OTOP2: variants seen among roughly 807,000 people sequenced by gnomAD.
OTOP2 encodes otopetrin 2, also known as proton channel OTOP2.
In OTOP2, 41 loss-of-function variants were observed where a neutral mutation model predicts 47.4. The observed-to-expected ratio is 0.87, with a 90% confidence interval of 0.67 to 1.12. OTOP2 has a LOEUF of 1.12. Among genes scored for constraint, OTOP2 ranks in the 50% most tolerant of loss-of-function variants. The pLI is 0.00. For synonymous variants in OTOP2, 328 were observed against 319.6 expected (o/e 1.03, Z -0.28); for missense variants, 721 against 752.2 (o/e 0.96, Z 0.49).
intron 5 of OTOP2, among the ~76,000 whole-genome samples, chr17:74,929,343 G>C (rs1202639541): frequency 6.6e-5 from 10 of 152,186 alleles, no homozygotes; most frequent in Non-Finnish European, 2.9e-5. Flanking sequence ...ATCTCAGGGA[G>C]CCAGGGCAGA....
chr17:74,933,333 T>A lies in OTOP2; in HGVS notation c.1519-42T>A. 1 of 1,561,836 alleles carries A rather than the reference T, an allele frequency of 6.4e-7. No individual in the cohort carries two copies. The highest frequency in any genetic ancestry group is 2.3e-5 in the East Asian group (1 of 44,016). On this transcript the variant is annotated intron_variant, in intron 6 of 6. Transcript: ENST00000331427. The surrounding 1 kb of genome is among the most constrained non-coding windows in gnomAD (Gnocchi z 4.7). ...AACCCACAGAAATGACCCACAGGCA[T>A]CCATCCAGGCCAGCTCCTGAAATGC...
In OTOP2 at chr17:74,930,266, C is replaced by T. The variant is rs1189114646; in HGVS notation, c.644-13C>T. 6 of 1,600,956 alleles carry T rather than the reference C, an allele frequency of 3.7e-6. No individual in the cohort carries two copies. Among genetic ancestry groups the T allele is most frequent in the Non-Finnish European group, 4.3e-6 (5 of 1,169,862 alleles). On this transcript the variant is annotated splice_polypyrimidine_tract_variant and intron_variant, in intron 5 of 6. Coordinates refer to ENST00000331427, the MANE Select transcript of OTOP2 (RefSeq NM_178160.3). This position sits in a 1 kb window ranked among gnomAD's most constrained non-coding sequence, Gnocchi z 4.0. ...AGGAGGGCTGTCCAGCCCTGTGTCT[C>T]TCTCCACAACAGAGCATGCAGACAA...
rs201506350 is a variant in OTOP2 at position 74,931,073 on chromosome 17, A to G, written c.1438A>G (p.Ile480Val). Reference protein sequence around the residue: ...SPSDQREAVAIVSTPRSQWRR... With the variant: ...SPSDQREAVAVVSTPRSQWRR... ...TTCAGACCAGCGGGAAGCAGTGGCC[A>G]TCGTCTCAACCCCCAGAAGCCAGTG... is the stretch of plus-strand genomic sequence containing the variant. Residue 480 changes from isoleucine to valine, a missense_variant, in exon 6 of 7, where the codon ATC (isoleucine) becomes GTC (valine). Coordinates refer to ENST00000331427, the MANE Select transcript of OTOP2 (RefSeq NM_178160.3). The G allele has an allele frequency of 2.8e-5, 45 of 1,614,116 alleles. No individual in the cohort carries two copies. The East Asian group carries it at 8.9e-4, about 32-fold the overall frequency.
At chr17:74,932,399 T>A (rs1471728566) in intron 6 of OTOP2, among the ~76,000 whole-genome samples, 1 of 152,152 alleles carries the variant, frequency 6.6e-6, no homozygotes, top group Non-Finnish European at 1.5e-5. Flanking sequence ...TGAAGGGCCA[T>A]CCACCAGGTC....
At position 74,933,748 on chromosome 17, in the gene OTOP2, C is replaced by T. The variant is rs1042305145; in HGVS notation, c.*203C>T. 1.1e-5 allele frequency: 6 copies of T among 551,020 alleles called. No individual in the cohort carries two copies. Among genetic ancestry groups the T allele is most frequent in the Admixed American group, 3.2e-5 (1 of 31,128 alleles). The allele number at this position is 551,020 out of a possible 1,614,324, so 34.1% of individuals were successfully genotyped here. ...ACAGGCCCATCCACCCCAGTATGAC[C>T]GTGGGGCATGAGGTGACTGGGGAAG... On this transcript the variant is annotated 3_prime_UTR_variant, in exon 7 of 7. Coordinates refer to ENST00000331427, the MANE Select transcript of OTOP2 (RefSeq NM_178160.3). This position sits in a 1 kb window ranked among gnomAD's most constrained non-coding sequence, Gnocchi z 4.7.
Position 74,924,640 on chromosome 17 carries a change from A to C in OTOP2, c.8A>C (p.Glu3Ala), listed in dbSNP as rs998834716. Residue 3 changes from glutamate to alanine, a missense_variant, in exon 2 of 7, where the codon GAG becomes GCG. Glu to Ala is a moderately radical substitution (Grantham distance 107). Transcript: ENST00000331427. This position sits in a 1 kb window ranked among gnomAD's most constrained non-coding sequence, Gnocchi z 7.7. ...TCTCCAGTCGCCTCCGCCATGTCCG[A>C]GGAGCTGGCCCAGGGCCCCAAGGAG... Reference protein sequence around the residue: MSEELAQGPKESP... With the variant: MSAELAQGPKESP... 17 of 1,574,670 alleles carry C rather than the reference A, an allele frequency of 1.1e-5. No individual in the cohort carries two copies. In the African/African-American group the frequency reaches 2.2e-4, roughly 20 times the overall value.
At chr17:74,925,273 G>A (rs921623134) in intron 2 of OTOP2, among the ~76,000 whole-genome samples, 4 of 152,050 alleles carry the variant, frequency 2.6e-5, no homozygotes, top group African/African-American at 4.8e-5. Flanking sequence ...GCCCTTTGCG[G>A]TATCCACACA....
rs757812966 is a variant in OTOP2 at position 74,927,279 on chromosome 17, C to T, written c.507C>T (p.Thr169=). The change falls in exon 4 of 7, where the codon ACC becomes ACT. Residue 169 remains threonine (T), a splice_region_variant and synonymous_variant. Coordinates refer to ENST00000331427, the MANE Select transcript of OTOP2 (RefSeq NM_178160.3). ...KDCVHVHLDL[T]WCGLMFTLTT... is the part of the protein sequence containing the mutation. ...GCGTTCACGTCCACCTGGATCTGAC[C>T]TGGTGAGAACTGCAGCTCGATGCCT... The T allele has an allele frequency of 1.2e-6, 2 of 1,612,318 alleles. No homozygotes were observed. The highest frequency in any genetic ancestry group is 2.2e-5 in the South Asian group (2 of 91,024).
In OTOP2 at chr17:74,930,323, A is replaced by T. The variant is rs763661551; in HGVS notation, c.688A>T (p.Thr230Ser). The T allele has an allele frequency of 1.2e-6, 2 of 1,614,072 alleles. No individual in the cohort carries two copies. The highest frequency in any genetic ancestry group is 2.2e-5 in the South Asian group (2 of 91,078). The change falls in exon 6 of 7, where the codon ACG becomes TCG. Residue 230 changes from threonine to serine, a missense_variant. By Grantham distance (58) the Thr-to-Ser change is moderately conservative (BLOSUM62 1). Coordinates refer to ENST00000331427, the MANE Select transcript of OTOP2 (RefSeq NM_178160.3). The surrounding 1 kb of genome is among the most constrained non-coding windows in gnomAD (Gnocchi z 4.0). ...PVGGDSCLCS[T>S]AVCQIFQQGY... ...CGGAGGAGACTCCTGCCTCTGCAGCACGGCCGTCTGCCAGATCTTCCAGCA... is the reference window on the plus strand; with the variant it reads ...CGGAGGAGACTCCTGCCTCTGCAGCTCGGCCGTCTGCCAGATCTTCCAGCA...
rs563061532 is a variant in OTOP2, at chr17:74,924,531, C to T, written c.-33-69C>T. On this transcript the variant is annotated intron_variant, in intron 1 of 6. Transcript: ENST00000331427. This position sits in a 1 kb window ranked among gnomAD's most constrained non-coding sequence, Gnocchi z 7.7. ...GTCAGGAACTCCCTAGTCCCCAAGT[C>T]TAGGGATGAGATGGGGGAAGGAGAG... 3.0e-6 allele frequency: 4 copies of T among 1,354,820 alleles called. No homozygotes were observed. The highest frequency in any genetic ancestry group is 2.9e-5 in the African/African-American group (2 of 68,172). 83.9% of individuals were successfully genotyped at this position (1,354,820 alleles called of 1,614,324 possible). A position where few individuals can be genotyped will look rare whatever the true frequency, so the allele number is the denominator to read the frequency against.
chr17:74,931,058 C>T lies in OTOP2; in HGVS notation c.1423C>T (p.Arg475Trp), dbSNP rs1436886189. 9.3e-6 allele frequency: 15 copies of T among 1,613,990 alleles called. No individual in the cohort carries two copies. The highest frequency in any genetic ancestry group is 8.3e-5 in the Admixed American group (5 of 59,992). ...GGTTAGCCCCAGCCCTTCAGACCAG[C>T]GGGAAGCAGTGGCCATCGTCTCAAC... ...GLVSPSPSDQ[R>W]EAVAIVSTPR... Residue 475 changes from arginine to tryptophan, a missense_variant, in exon 6 of 7, where the codon CGG (arginine) becomes TGG (tryptophan). Arg to Trp is a moderately radical substitution (Grantham distance 101). Transcript: ENST00000331427.
rs199799578 is a variant in OTOP2, at chr17:74,931,142, T to C, written c.1507T>C (p.Cys503Arg). The C allele has an allele frequency of 1.3e-6, 2 of 1,594,128 alleles. No homozygotes were observed. Among genetic ancestry groups the C allele is most frequent in the African/African-American group, 2.7e-5 (2 of 74,658 alleles). ...AGACATTTCTCTGTTTCTCCTACTC[T>C]GCAATGTCATTGTGAGTAGCTGGGG... is the stretch of plus-strand genomic sequence containing the variant. ...LKDISLFLLL[C>R]NVILWIMPAF... Residue 503 changes from cysteine (C) to arginine (R), a missense_variant, in exon 6 of 7, where the codon TGC (cysteine) becomes CGC (arginine). Cys to Arg is a radical substitution (Grantham distance 180, BLOSUM62 -3). Coordinates refer to ENST00000331427, the MANE Select transcript of OTOP2 (RefSeq NM_178160.3).
chr17:74,932,162 T>C (rs1598596247), intron 6 of OTOP2, among the ~76,000 whole-genome samples: 2 of 152,136 alleles, frequency 1.3e-5, no homozygotes, highest in South Asian at 2.1e-4. Flanking sequence ...TGTGGGTACA[T>C]CTCAAAGAGA....
intron 2 of OTOP2, 149 bp downstream of exon 2, chr17:74,925,094 C>G: frequency 9.6e-7 from 1 of 1,040,348 alleles, no homozygotes; most frequent in Non-Finnish European, 1.3e-6. Context: ...AAGTGGGCTG[C>G]AGTTAGGGAA....
Position 74,924,747 on chromosome 17 carries a change from G to T in OTOP2, c.115G>T (p.Val39Leu). 1 of 1,608,786 alleles carries T rather than the reference G, an allele frequency of 6.2e-7. No individual in the cohort carries two copies. Residue 39 changes from valine (V) to leucine (L), a missense_variant, in exon 2 of 7, where the codon GTG becomes TTG. By Grantham distance (32) the Val-to-Leu change is conservative. Coordinates refer to ENST00000331427, the MANE Select transcript of OTOP2 (RefSeq NM_178160.3). This position sits in a 1 kb window ranked among gnomAD's most constrained non-coding sequence, Gnocchi z 7.7. Reference protein sequence around the residue: ...RLLSVLLAVNVLLLACTLISG... With the variant: ...RLLSVLLAVNLLLLACTLISG... ...GCTGTCGGTGCTGCTGGCGGTGAAC[G>T]TGCTGCTCCTCGCCTGCACGCTCAT... is the stretch of plus-strand genomic sequence containing the variant.
intron 6 of OTOP2, 103 bp downstream of exon 6, chr17:74,931,256 G>C (rs117676121): frequency 7.0e-7 from 1 of 1,427,318 alleles, no homozygotes; most frequent in African/African-American, 1.4e-5. Context: ...CCCCCAGCCC[G>C]CCTGAGAATC....
rs755080492 is a variant in OTOP2, at chr17:74,931,103, C to T, written c.1468C>T (p.Arg490Cys). ...IVSTPRSQWRRQCLKDISLFL... is the reference protein window; with the variant it reads ...IVSTPRSQWRCQCLKDISLFL... Reference sequence around the variant, plus strand: ...CTCAACCCCCAGAAGCCAGTGGAGACGCCAGTGCCTAAAAGACATTTCTCT... The same window carrying T: ...CTCAACCCCCAGAAGCCAGTGGAGATGCCAGTGCCTAAAAGACATTTCTCT... The change falls in exon 6 of 7, where the codon CGC becomes TGC. Residue 490 changes from arginine (R) to cysteine (C), a missense_variant. Transcript: ENST00000331427. 22 of 1,612,630 alleles carry T rather than the reference C, an allele frequency of 1.4e-5. No homozygotes were observed. Among genetic ancestry groups the T allele is most frequent in the African/African-American group, 1.1e-4 (8 of 74,868 alleles).
chr17:74,930,671 G>T lies in OTOP2; in HGVS notation c.1036G>T (p.Gly346Cys). Residue 346 changes from glycine to cysteine, a missense_variant, in exon 6 of 7, where the codon GGC becomes TGC. Physicochemically the swap from Gly to Cys is radical, Grantham distance 159. Transcript: ENST00000331427. The surrounding 1 kb of genome is among the most constrained non-coding windows in gnomAD (Gnocchi z 4.0). ...LGLTTLVSLS[G>C]SIIYRFDRRA... ...ACTCACCACCTTGGTCAGCCTGAGC[G>T]GCTCCATCATCTACCGTTTTGACCG... The T allele has an allele frequency of 6.2e-7, 1 of 1,614,026 alleles. No homozygotes were observed. The highest frequency in any genetic ancestry group is 8.5e-7 in the Non-Finnish European group (1 of 1,180,022).
chr17:74,926,878 C>G (rs986265170), intron 3 of OTOP2, among the ~76,000 whole-genome samples: 1 of 152,014 alleles, frequency 6.6e-6, no homozygotes, highest in Non-Finnish European at 1.5e-5. Context: ...GCCTCAGCCT[C>G]CCAAGTAGCT....
Sources: gnomAD v4.1 joint callset for allele counts (sites outside exome capture counted in the v4.1 genomes callset) on GRCh38, gnomAD v4.1.1 for gene constraint, Gnocchi (gnomAD v3.1) non-coding constraint, MANE v1.5 for transcripts, NCBI Gene and HGNC (gene_info 2026-07-23, HGNC 2026-07-21) for gene names.